The following RPS6KA6 variants were observed in gnomAD, a reference collection of about 807,000 sequenced individuals.
RPS6KA6 encodes the protein ribosomal protein S6 kinase alpha-6.
In RPS6KA6, 27 loss-of-function variants were observed where a neutral mutation model predicts 65.4. The observed-to-expected ratio is 0.41, with a 90% CI of 0.30 to 0.57. The LOEUF (loss-of-function observed/expected upper bound fraction) is 0.57, where lower values mean the gene tolerates loss of function less well. Among genes scored for constraint, RPS6KA6 ranks in the 20% least tolerant of loss-of-function variants. The probability of loss-of-function intolerance (pLI) is 0.24; values close to 1 mark genes in which losing one functional copy is unlikely to be tolerated. For synonymous variants in RPS6KA6, 190 were observed against 184.2 expected (o/e 1.03, Z -0.26); for missense variants, 486 against 555.6 (o/e 0.87, Z 1.26).
chrX:84,182,392 G>C (rs1431359128), intron 1 of RPS6KA6, among the ~76,000 whole-genome samples: 1 of 111,299 alleles, frequency 9.0e-6, no homozygotes, highest in Non-Finnish European at 1.9e-5. Context: ...GTACTGAAAG[G>C]CTTATACCTC....
At chrX:84,121,743 ATAAT>A (rs962189900) in intron 8 of RPS6KA6, among the ~76,000 whole-genome samples, 4 of 112,400 alleles carry the variant, frequency 3.6e-5, no homozygotes, top group Non-Finnish European at 7.5e-5. Context: ...CATACCATAA[ATAAT>A]TAACTCAAAA....
At chrX:84,091,411 A>G (rs1442764864) in intron 20 of RPS6KA6, among the ~76,000 whole-genome samples, 2 of 112,619 alleles carry the variant, frequency 1.8e-5, no homozygotes, top group African/African-American at 6.4e-5. Context: ...ATGTTATTTA[A>G]GGCTTCCTAA....
At chrX:84,122,361 GTTTTTTTTTT>G (rs35459607) in intron 8 of RPS6KA6, among the ~76,000 whole-genome samples, 1 of 43,009 alleles carries the variant, frequency 2.3e-5, no homozygotes, top group African/African-American at 8.5e-5. Context: ...TTTTTTTTAA[GTTTTTTTTTT>G]TTTTTTTTTT....
At chrX:84,187,600 G>T in intron 1 of RPS6KA6, 2 of 338,573 alleles carry the variant, frequency 5.9e-6, no homozygotes, top group East Asian at 9.8e-5. Flanking sequence ...CTCCGCCCAA[G>T]GCCGAGCCCG....
chrX:84,104,427 TG>T, intron 17 of RPS6KA6, 71 bp downstream of exon 17: 1 of 653,965 alleles, frequency 1.5e-6, no homozygotes, highest in Non-Finnish European at 2.1e-6. Flanking sequence ...TTATTTTAGG[TG>T]GCATCATCTC....
chrX:84,112,562 A>G (rs994934579), intron 12 of RPS6KA6, among the ~76,000 whole-genome samples: 6 of 112,177 alleles, frequency 5.3e-5, no homozygotes, highest in African/African-American at 1.9e-4. Context: ...CAAGTTGCTC[A>G]TGAATGACTT....
intron 12 of RPS6KA6, among the ~76,000 whole-genome samples, chrX:84,108,373 G>A (rs192038490): frequency 3.5e-4 from 39 of 112,179 alleles, no homozygotes; most frequent in Admixed American, 1.9e-4. Context: ...GAAACAGCTA[G>A]TGGGCTAGTG....
intron 12 of RPS6KA6, among the ~76,000 whole-genome samples, chrX:84,114,074 C>T (rs1483577694): frequency 9.0e-6 from 1 of 111,481 alleles, no homozygotes; most frequent in East Asian, 2.8e-4. Context: ...ATACATTTAA[C>T]CAAGAATGTG....
At chrX:84,126,258 A>G (rs2147491624) in intron 8 of RPS6KA6, among the ~76,000 whole-genome samples, 1 of 111,897 alleles carries the variant, frequency 8.9e-6, no homozygotes, top group African/African-American at 3.2e-5. Flanking sequence ...GGAGGTCATT[A>G]TATAATGATA....
At chrX:84,113,221 T>A (rs1394097632) in intron 12 of RPS6KA6, among the ~76,000 whole-genome samples, 2 of 110,770 alleles carry the variant, frequency 1.8e-5, no homozygotes. Context: ...TAGAAACAAG[T>A]TTTTCCAGAC....
rs2033980569 is a variant in RPS6KA6, at chrX:84,088,648, T to TA, written c.1971+7545dup. 4.5e-5 allele frequency among the ~76,000 whole-genome samples: 5 copies of TA among 111,994 alleles called. No individual in the cohort carries two copies. In the Admixed American group the frequency reaches 4.7e-4, roughly 11 times the overall value. The stretch of plus-strand genomic sequence containing the variant: ...AAGAAACAGTCTGGCTGCTTTTTGG[T>TA]AGAGCAGGTGTGCTGCATTGGGGGA... On this transcript the variant is annotated intron_variant, in intron 20 of 21. Coordinates refer to ENST00000262752, the MANE Select transcript of RPS6KA6 (RefSeq NM_014496.5).
chrX:84,114,177 G>C (rs1042340386), intron 12 of RPS6KA6, among the ~76,000 whole-genome samples: 1 of 111,370 alleles, frequency 9.0e-6, no homozygotes, highest in Non-Finnish European at 1.9e-5. Context: ...TGAATTGAAA[G>C]AATCAATATC....
At chrX:84,099,109 G>A (rs1159908795) in intron 18 of RPS6KA6, among the ~76,000 whole-genome samples, 1 of 111,114 alleles carries the variant, frequency 9.0e-6, no homozygotes, top group East Asian at 2.8e-4. Flanking sequence ...CTAAGGTTGA[G>A]GGCCACTGCA....
chrX:84,121,376 G>T (rs1328002953), intron 8 of RPS6KA6, among the ~76,000 whole-genome samples: 1 of 111,810 alleles, frequency 8.9e-6, no homozygotes, highest in Non-Finnish European at 1.9e-5. Flanking sequence ...AGCAAACTTC[G>T]GGTCTTTTTC....
chrX:84,087,711 AG>A (rs1392067371), intron 20 of RPS6KA6, among the ~76,000 whole-genome samples: 2 of 111,745 alleles, frequency 1.8e-5, no homozygotes, highest in Non-Finnish European at 3.8e-5. Flanking sequence ...CTTTCTTGCT[AG>A]GTTGGGGAAG....
At chrX:84,068,595 T>G (rs1373291549) in intron 20 of RPS6KA6, among the ~76,000 whole-genome samples, 1 of 111,507 alleles carries the variant, frequency 9.0e-6, no homozygotes, top group East Asian at 2.8e-4. Flanking sequence ...GAAAAAGAAA[T>G]AAAGGTATTC....
rs752046779 is a variant in RPS6KA6 at position 84,125,779 on chromosome X, G to A, written c.647-5752C>T. ...TGAGGCAGGAGAATGGCGTGAACCC[G>A]GGAGGTGGAGCTTGCAGTGAGCCAA... On this transcript the variant is annotated intron_variant, in intron 8 of 21. Transcript: ENST00000262752. Among the ~76,000 whole-genome samples the A allele has an allele frequency of 1.1e-4, 12 of 110,326 alleles. No individual in the cohort carries two copies. The South Asian group carries it at 2.0e-3, about 18-fold the overall frequency.
intron 8 of RPS6KA6, among the ~76,000 whole-genome samples, chrX:84,132,497 G>T (rs937423995): frequency 3.6e-5 from 4 of 110,392 alleles, no homozygotes; most frequent in Non-Finnish European, 7.6e-5. Flanking sequence ...AGCAACCACA[G>T]TTCAAATAAA....
chrX:84,173,007 T>C (rs904432283), intron 1 of RPS6KA6, among the ~76,000 whole-genome samples: 1 of 110,592 alleles, frequency 9.0e-6, no homozygotes, highest in African/African-American at 3.3e-5. Flanking sequence ...GGAGTTCTAG[T>C]TTTGCAAGGT....
Sources: allele counts gnomAD v4.1 joint callset (sites outside exome capture counted in the v4.1 genomes callset), GRCh38; gene constraint gnomAD v4.1.1; transcripts MANE v1.5; gene names NCBI Gene and HGNC (gene_info 2026-07-23, HGNC 2026-07-21).